The following PCDHA3 variants were observed in gnomAD, a reference collection of about 807,000 sequenced individuals.
The protein encoded by PCDHA3 is protocadherin alpha 3.
A neutral mutation model predicts 62.2 loss-of-function variants in PCDHA3; 41 were observed. The ratio of observed to expected loss-of-function variants is 0.66; its 90% CI spans 0.51 to 0.86. The LOEUF is 0.86. PCDHA3 is among the 40% of genes least tolerant of loss of function. The pLI, the probability that PCDHA3 is intolerant of heterozygous loss-of-function variation, is 0.00. For missense variants in PCDHA3, 1,304 were observed against 1,241.2 expected (o/e 1.05, Z -0.76); for synonymous variants, 640 against 555.4 (o/e 1.15, Z -2.14).
chr5:140,821,222 T>C (rs1048981208), intron 1 of PCDHA3, among the ~76,000 whole-genome samples: 4 of 152,180 alleles, frequency 2.6e-5, no homozygotes, highest in Non-Finnish European at 5.9e-5. Flanking sequence ...TATGTTTAAA[T>C]AGAGATGAGA....
chr5:140,843,344 G>C lies in PCDHA3; in HGVS notation c.2394+39753G>C, dbSNP rs201264675. ...GGTGTCGCTGGTGGAGAGCGGCCAGGCTCCAAAAGCGTCATCGAGGCAGTC... is the reference window on the plus strand; with the variant it reads ...GGTGTCGCTGGTGGAGAGCGGCCAGCCTCCAAAAGCGTCATCGAGGCAGTC... On this transcript the variant is annotated intron_variant, in intron 1 of 3. Transcript: ENST00000522353. The C allele has an allele frequency of 3.6e-5, 58 of 1,595,962 alleles. 5 individuals carry two copies. Among genetic ancestry groups the C allele is most frequent in the Non-Finnish European group, 4.3e-5 (50 of 1,165,608 alleles).
At chr5:140,875,236 C>G (rs2055366681) in intron 1 of PCDHA3, 2 of 889,228 alleles carry the variant, frequency 2.2e-6, no homozygotes, top group East Asian at 2.9e-5. Context: ...CTTTCTTGTA[C>G]TTACATAATC....
intron 3 of PCDHA3, 65 bp downstream of exon 3, chr5:140,982,628 G>T: frequency 6.3e-7 from 1 of 1,578,118 alleles, no homozygotes; most frequent in Non-Finnish European, 8.6e-7. Flanking sequence ...ACCTACTTTT[G>T]TAAGATCAGG....
chr5:140,843,136 G>A lies in PCDHA3; in HGVS notation c.2394+39545G>A, dbSNP rs2150353697. 16 of 1,596,026 alleles carry A rather than the reference G, an allele frequency of 1.0e-5. 4 individuals are homozygous for A. Among genetic ancestry groups the A allele is most frequent in the South Asian group, 2.2e-5 (2 of 90,518 alleles). ...TGGACGCCGACTCGGGCTACAACGCGTGGCTTTCGTATGAGCTGCAGCCAG... is the reference window on the plus strand; with the variant it reads ...TGGACGCCGACTCGGGCTACAACGCATGGCTTTCGTATGAGCTGCAGCCAG... On this transcript the variant is annotated intron_variant, in intron 1 of 3. Transcript: ENST00000522353.
chr5:140,809,562 C>A lies in PCDHA3; in HGVS notation c.2394+5971C>A, dbSNP rs781790264. On this transcript the variant is annotated intron_variant, in intron 1 of 3. Coordinates refer to ENST00000522353, the MANE Select transcript of PCDHA3 (RefSeq NM_018906.3). ...GATCAGCTGCAGACAACTGAGGAAT[C>A]CTTTGCAAAGGTTAGTGTATAACAT... 4 of 1,608,188 alleles carry A rather than the reference C, an allele frequency of 2.5e-6. No homozygotes were observed. In the South Asian group the frequency reaches 3.3e-5, roughly 13 times the overall value.
intron 1 of PCDHA3, among the ~76,000 whole-genome samples, chr5:140,806,114 C>T (rs1647201043): frequency 6.6e-6 from 1 of 152,140 alleles, no homozygotes; most frequent in Admixed American, 6.6e-5. Flanking sequence ...TTGGTTTGAT[C>T]ATGACATTCT....
At chr5:140,942,543 G>C (rs1272048967) in intron 1 of PCDHA3, among the ~76,000 whole-genome samples, 1 of 152,056 alleles carries the variant, frequency 6.6e-6, no homozygotes, top group Non-Finnish European at 1.5e-5. Flanking sequence ...GTATGGTGGG[G>C]GGTAGGGGGT....
intron 1 of PCDHA3, chr5:140,809,612 T>TAAA: frequency 6.6e-7 from 1 of 1,520,526 alleles, no homozygotes; most frequent in Non-Finnish European, 8.8e-7. Context: ...TTCGTATTGT[T>TAAA]TTTCTCTATC....
chr5:140,944,276 A>C (rs2093633258), intron 1 of PCDHA3, among the ~76,000 whole-genome samples: 1 of 152,002 alleles, frequency 6.6e-6, no homozygotes, highest in Non-Finnish European at 1.5e-5. Flanking sequence ...CAGCCTTGAC[A>C]CCCCGGGCTC....
chr5:140,950,556 A>G (rs2094497175), intron 1 of PCDHA3, among the ~76,000 whole-genome samples: 2 of 152,036 alleles, frequency 1.3e-5, no homozygotes, highest in Non-Finnish European at 2.9e-5. Context: ...CTGGGGGGAC[A>G]CTTATTTTAA....
Position 141,012,272 on chromosome 5 carries a change from C to G in PCDHA3, c.*2335C>G, listed in dbSNP as rs186406635. On this transcript the variant is annotated 3_prime_UTR_variant, in exon 4 of 4. Transcript: ENST00000522353. ...TTACAGCTGTAAGGATAAAACACGTCATGTGGATTCATTTTGAATTGGTGC... is the reference window on the plus strand; with the variant it reads ...TTACAGCTGTAAGGATAAAACACGTGATGTGGATTCATTTTGAATTGGTGC... 3.3e-4 allele frequency: 51 copies of G among 153,858 alleles called. No individual in the cohort carries two copies. In the East Asian group the frequency reaches 6.6e-3, roughly 20 times the overall value. 9.5% of individuals were successfully genotyped at this position (153,858 alleles called of 1,614,324 possible). A position where few individuals can be genotyped will look rare whatever the true frequency, so the allele number is the denominator to read the frequency against.
rs782776948 is a variant in PCDHA3 at position 141,009,898 on chromosome 5, A to T, written c.2814A>T (p.Lys938Asn). The T allele has an allele frequency of 5.6e-6, 9 of 1,613,182 alleles. No individual in the cohort carries two copies. Among genetic ancestry groups the T allele is most frequent in the Admixed American group, 1.7e-5 (1 of 59,722 alleles). The change falls in exon 4 of 4, where the codon AAA (lysine) becomes AAT (asparagine). Residue 938 changes from lysine (K) to asparagine (N), a missense_variant. Physicochemically the swap from Lys to Asn is moderately conservative, Grantham distance 94 (BLOSUM62 0). Transcript: ENST00000522353. ...AGGGTAACAAGACCCAGGAGAAAAA[A>T]GAGAAAGGGAACAGCACGACTGACA... ...KKKGNKTQEK[K>N]EKGNSTTDNS...
intron 1 of PCDHA3, chr5:140,861,593 A>G: frequency 2.7e-6 from 1 of 371,316 alleles, no homozygotes; most frequent in South Asian, 2.5e-5. Context: ...TGGAGGTGAA[A>G]GTGAAGAACA....
At chr5:140,904,858 CTGTT>C (rs1335177457) in intron 1 of PCDHA3, among the ~76,000 whole-genome samples, 1 of 152,072 alleles carries the variant, frequency 6.6e-6, no homozygotes, top group Non-Finnish European at 1.5e-5. Context: ...TGAGAATTGT[CTGTT>C]TATGTCCTTA....
chr5:140,843,514 G>T lies in PCDHA3; in HGVS notation c.2394+39923G>T, dbSNP rs2150361625. 18 of 1,595,918 alleles carry T rather than the reference G, an allele frequency of 1.1e-5. 2 individuals carry two copies. Among genetic ancestry groups the T allele is most frequent in the Non-Finnish European group, 1.5e-5 (18 of 1,165,532 alleles). The stretch of plus-strand genomic sequence containing the variant: ...GCTCAGCACTGCCCACTGAGGGCGG[G>T]TGCCGGGCGGGCAAGCCCACTCTGG... On this transcript the variant is annotated intron_variant, in intron 1 of 3. Coordinates refer to ENST00000522353, the MANE Select transcript of PCDHA3 (RefSeq NM_018906.3).
chr5:140,823,985 C>T, intron 1 of PCDHA3: 1 of 1,614,170 alleles, frequency 6.2e-7, no homozygotes, highest in Non-Finnish European at 8.5e-7. Flanking sequence ...GGCAAGCCCA[C>T]TCTGTTGTGC....
At position 140,950,404 on chromosome 5, in the gene PCDHA3, T is replaced by C. The variant is rs947428237; in HGVS notation, c.2395-28545T>C. ...TTGAATGATATAGAATTCTGGGGGATTGACAGATTTTATTTTCTTCCACTT... is the reference window on the plus strand; with the variant it reads ...TTGAATGATATAGAATTCTGGGGGACTGACAGATTTTATTTTCTTCCACTT... On this transcript the variant is annotated intron_variant, in intron 1 of 3. Coordinates refer to ENST00000522353, the MANE Select transcript of PCDHA3 (RefSeq NM_018906.3). 2.0e-5 allele frequency among the ~76,000 whole-genome samples: 3 copies of C among 152,044 alleles called. 1 individual carries two copies. Among genetic ancestry groups the C allele is most frequent in the East Asian group, 1.9e-4 (1 of 5,204 alleles).
intron 2 of PCDHA3, among the ~76,000 whole-genome samples, chr5:140,981,116 A>G (rs533489885): frequency 6.6e-6 from 1 of 152,344 alleles, no homozygotes; most frequent in African/African-American, 2.4e-5. Flanking sequence ...TCTACTGGAT[A>G]TGTTGTTTGA....
At chr5:140,861,466 TG>T in intron 1 of PCDHA3, 1 of 493,934 alleles carries the variant, frequency 2.0e-6, no homozygotes, top group Admixed American at 2.1e-5. Flanking sequence ...GAGGTAAATC[TG>T]CAGAATGGCA....
Sources: allele counts gnomAD v4.1 joint callset (sites outside exome capture counted in the v4.1 genomes callset), GRCh38; gene constraint gnomAD v4.1.1; transcripts MANE v1.5; gene names NCBI Gene and HGNC (gene_info 2026-07-23, HGNC 2026-07-21).